CALR3: variants seen among roughly 807,000 people sequenced by gnomAD.
CALR3 encodes the protein calreticulin 3, also known as calreticulin-3.
CALR3 carries 39 observed loss-of-function variants against 48.7 expected under a neutral mutation model. That is an observed-to-expected ratio of 0.80 (90% CI 0.62 to 1.05). The LOEUF (loss-of-function observed/expected upper bound fraction) is 1.05, where lower values mean the gene tolerates loss of function less well. Ranked by LOEUF, CALR3 falls within the 50% of genes least tolerant of loss-of-function variation. CALR3 has a pLI of 0.00. For missense variants in CALR3, 449 were observed against 474.7 expected (o/e 0.95, Z 0.50); for synonymous variants, 185 against 172.7 (o/e 1.07, Z -0.56).
At position 16,495,047 on chromosome 19, in the gene CALR3, CA is replaced by C. The variant is rs747504251; in HGVS notation, c.193+703del. Reference sequence around the variant, plus strand: ...GCCAGGAGTTTGAGTCCAGCCTGGGCAATGTGGTGAAACTCTGTCTCTAAAA... The same window carrying C: ...GCCAGGAGTTTGAGTCCAGCCTGGGCATGTGGTGAAACTCTGTCTCTAAAA... On this transcript the variant is annotated intron_variant, in intron 2 of 8. Transcript: ENST00000269881. Among the ~76,000 whole-genome samples the C allele has an allele frequency of 1.4e-4, 21 of 151,880 alleles. No individual in the cohort carries two copies. In the East Asian group the frequency reaches 1.7e-3, roughly 13 times the overall value.
rs770439289 is a variant in CALR3, at chr19:16,482,512, A to G, written c.856T>C (p.Leu286=). 6.2e-7 allele frequency: 1 copy of G among 1,614,246 alleles called. No homozygotes were observed. Among genetic ancestry groups the G allele is most frequent in the Admixed American group, 1.7e-5 (1 of 60,022 alleles). ...AATTCTGAGAGGTCATACTGCGTCA[A>G]ATAGTCGGTATTCTTCATCTTACGG... is the stretch of plus-strand genomic sequence containing the variant. ...LHRKMKNTDY[L]TQYDLSEFEN... The change falls in exon 7 of 9, where the codon TTG becomes CTG. Residue 286 remains leucine (L), a synonymous_variant. Coordinates refer to ENST00000269881, the MANE Select transcript of CALR3 (RefSeq NM_145046.5).
chr19:16,490,763 A>AT (rs78242115), intron 2 of CALR3, among the ~76,000 whole-genome samples, 193 bp from the exon 3 acceptor site: 9 of 149,742 alleles, frequency 6.0e-5, no homozygotes, highest in East Asian at 1.9e-4. Flanking sequence ...CTTCTATATA[A>AT]TTTTTTTTTT....
In CALR3 at chr19:16,483,979, G is replaced by C; in HGVS notation, c.629C>G (p.Ser210Cys). 6.2e-7 allele frequency: 1 copy of C among 1,613,998 alleles called. No homozygotes were observed. The highest frequency in any genetic ancestry group is 8.5e-7 in the Non-Finnish European group (1 of 1,180,016). ...TTCCCAATCCTTCGATTCTGCCGGG[G>C]ACGTTTCCTTCTTGAGTGATGTTAA... ...WNLTSLKKETSPAESKDWEQT... is the reference protein window; with the variant it reads ...WNLTSLKKETCPAESKDWEQT... Residue 210 changes from serine (S) to cysteine (C), a missense_variant, in exon 5 of 9, where the codon TCC (serine) becomes TGC (cysteine). Physicochemically the swap from Ser to Cys is moderately radical, Grantham distance 112. Transcript: ENST00000269881.
In CALR3 at chr19:16,484,126, T is replaced by C. The variant is rs1469789349; in HGVS notation, c.493-11A>G. ...TGTGAAGCCATCAACCTGCATATTT[T>C]AGGGGGAAAAGCGTAACAATTAAAT... On this transcript the variant is annotated splice_polypyrimidine_tract_variant and intron_variant, in intron 4 of 8. Coordinates refer to ENST00000269881, the MANE Select transcript of CALR3 (RefSeq NM_145046.5). 1.9e-6 allele frequency: 3 copies of C among 1,612,588 alleles called. No individual in the cohort carries two copies. Among genetic ancestry groups the C allele is most frequent in the Non-Finnish European group, 2.5e-6 (3 of 1,179,086 alleles).
chr19:16,487,248 G>A (rs1438403347), intron 3 of CALR3, among the ~76,000 whole-genome samples: 2 of 152,078 alleles, frequency 1.3e-5, no homozygotes, highest in Non-Finnish European at 2.9e-5. Flanking sequence ...GGAGGCCAAA[G>A]TGGGTGGATC....
intron 7 of CALR3, among the ~76,000 whole-genome samples, chr19:16,481,744 C>A (rs1212884652): frequency 6.6e-6 from 1 of 151,822 alleles, no homozygotes; most frequent in Non-Finnish European, 1.5e-5. Flanking sequence ...GGCAATCTGC[C>A]CCCCTCAGCC....
rs985096797 is a variant in CALR3 at position 16,480,663 on chromosome 19, T to C, written c.962A>G (p.Asp321Gly). ...TIFDNFLITD[D>G]EEYADNFGKA... ...GCCAAAATTATCTGCGTACTCTTCATCATCTGTGATCAGAAAGTTATCAAA... is the reference window on the plus strand; with the variant it reads ...GCCAAAATTATCTGCGTACTCTTCACCATCTGTGATCAGAAAGTTATCAAA... Residue 321 changes from aspartate (D) to glycine (G), a missense_variant, in exon 8 of 9, where the codon GAT (aspartate) becomes GGT (glycine). Physicochemically the swap from Asp to Gly is moderately conservative, Grantham distance 94. Coordinates refer to ENST00000269881, the MANE Select transcript of CALR3 (RefSeq NM_145046.5). 1.2e-6 allele frequency: 2 copies of C among 1,613,838 alleles called. No homozygotes were observed. The highest frequency in any genetic ancestry group is 2.7e-5 in the African/African-American group (2 of 74,942).
In CALR3 at chr19:16,482,796, A is replaced by G; in HGVS notation, c.679-11T>C. The G allele has an allele frequency of 6.2e-7, 1 of 1,608,676 alleles. No individual in the cohort carries two copies. Among genetic ancestry groups the G allele is most frequent in the South Asian group, 1.1e-5 (1 of 90,602 alleles). Reference sequence around the variant, plus strand: ...ATGCTTCTCCCAGTCCTTCAAAGACATGTAAGGAAAAAGTAAAATCAGTCA... The same window carrying G: ...ATGCTTCTCCCAGTCCTTCAAAGACGTGTAAGGAAAAAGTAAAATCAGTCA... On this transcript the variant is annotated splice_polypyrimidine_tract_variant and intron_variant, in intron 5 of 8. Transcript: ENST00000269881.
rs140986966 is a variant in CALR3, at chr19:16,495,916, G to A, written c.92-64C>T. 8,595 of 1,579,156 alleles carry A rather than the reference G, an allele frequency of 5.4e-3. 42 individuals are homozygous for A. Among genetic ancestry groups the A allele is most frequent in the Middle Eastern group, 8.0e-3 (48 of 5,980 alleles). On this transcript the variant is annotated intron_variant, in intron 1 of 8. Transcript: ENST00000269881. ...ATGGTTAATTTGGGCTAAGGGAAGG[G>A]TGAAGGGGACCCTCGAGGATTCGAG... is the stretch of plus-strand genomic sequence containing the variant.
chr19:16,479,680 A>C (rs2093377533), intron 8 of CALR3, among the ~76,000 whole-genome samples: 1 of 151,458 alleles, frequency 6.6e-6, no homozygotes, highest in Admixed American at 6.6e-5. Flanking sequence ...GATCATTTGA[A>C]CCTAGGAGGC....
rs550089146 is a variant in CALR3, at chr19:16,483,967, G to A, written c.641C>T (p.Ser214Leu). ...SLKKETSPAE[S>L]KDWEQTKDNK... is the part of the protein sequence containing the mutation. Reference sequence around the variant, plus strand: ...GTCTTTAGTCTGTTCCCAATCCTTCGATTCTGCCGGGGACGTTTCCTTCTT... The same window carrying A: ...GTCTTTAGTCTGTTCCCAATCCTTCAATTCTGCCGGGGACGTTTCCTTCTT... The change falls in exon 5 of 9, where the codon TCG becomes TTG. Residue 214 changes from serine (S) to leucine (L), a missense_variant. Coordinates refer to ENST00000269881, the MANE Select transcript of CALR3 (RefSeq NM_145046.5). 9.9e-6 allele frequency: 16 copies of A among 1,613,940 alleles called. No individual in the cohort carries two copies. The Admixed American group carries it at 1.0e-4, about 10-fold the overall frequency.
At chr19:16,488,446 C>T (rs1400818625) in intron 3 of CALR3, among the ~76,000 whole-genome samples, 4 of 152,062 alleles carry the variant, frequency 2.6e-5, no homozygotes, top group African/African-American at 9.7e-5. Flanking sequence ...GTTCTGTTAC[C>T]CAGGCTGGAG....
Position 16,483,679 on chromosome 19 carries a change from C to A in CALR3, c.678+251G>T, listed in dbSNP as rs189435926. ...GTTGCCGTGAGCTGAGATCACGCCACTGCACTCCAGCCTGGGCAAGAAGAA... is the reference window on the plus strand; with the variant it reads ...GTTGCCGTGAGCTGAGATCACGCCAATGCACTCCAGCCTGGGCAAGAAGAA... On this transcript the variant is annotated intron_variant, in intron 5 of 8. Transcript: ENST00000269881. 1,821 of 445,932 alleles carry A rather than the reference C, an allele frequency of 4.1e-3. 4 individuals carry two copies. The highest frequency in any genetic ancestry group is 6.3e-3 in the Non-Finnish European group (1,539 of 244,168). The allele number at this position is 445,932 out of a possible 1,614,324, so 27.6% of individuals were successfully genotyped here.
At chr19:16,491,055 TG>T in intron 2 of CALR3, among the ~76,000 whole-genome samples, 1 of 149,492 alleles carries the variant, frequency 6.7e-6, no homozygotes, top group Non-Finnish European at 1.5e-5. Context: ...CCAGCGTGCC[TG>T]GCCCATACAA....
chr19:16,493,169 C>G (rs2093400625), intron 2 of CALR3, among the ~76,000 whole-genome samples: 1 of 152,174 alleles, frequency 6.6e-6, no homozygotes, highest in Non-Finnish European at 1.5e-5. Flanking sequence ...ATGACTAGGA[C>G]AAACCAGAGA....
At position 16,490,354 on chromosome 19, in the gene CALR3, C is replaced by T. The variant is rs947511993; in HGVS notation, c.397+13G>A. On this transcript the variant is annotated intron_variant, in intron 3 of 8. Transcript: ENST00000269881. Reference sequence around the variant, plus strand: ...GTCACTAGAAGTGGTTGTGTTGCACCACGTAAACTCACCAAACATAATATA... The same window carrying T: ...GTCACTAGAAGTGGTTGTGTTGCACTACGTAAACTCACCAAACATAATATA... 45 of 1,613,304 alleles carry T rather than the reference C, an allele frequency of 2.8e-5. No individual in the cohort carries two copies. Among genetic ancestry groups the T allele is most frequent in the Non-Finnish European group, 3.8e-5 (45 of 1,179,318 alleles).
intron 7 of CALR3, 122 bp from the exon 8 acceptor site, chr19:16,480,828 T>C: frequency 1.3e-6 from 1 of 798,072 alleles, no homozygotes; most frequent in Non-Finnish European, 2.1e-6. Flanking sequence ...TTTTTAGAGA[T>C]GGGGTCTTGC....
At chr19:16,487,360 A>AC (rs1265590874) in intron 3 of CALR3, among the ~76,000 whole-genome samples, 1 of 150,520 alleles carries the variant, frequency 6.6e-6, no homozygotes. Context: ...GGCACCTGTA[A>AC]CCCCAGCTAC....
intron 4 of CALR3, among the ~76,000 whole-genome samples, chr19:16,484,903 C>A (rs1294671883): frequency 6.6e-6 from 1 of 152,060 alleles, no homozygotes; most frequent in Non-Finnish European, 1.5e-5. Flanking sequence ...ACTATTGTAA[C>A]CCTCATAGGG....
Sources: gnomAD v4.1 joint callset for allele counts (sites outside exome capture counted in the v4.1 genomes callset) on GRCh38, gnomAD v4.1.1 for gene constraint, MANE v1.5 for transcripts, NCBI Gene and HGNC (gene_info 2026-07-23, HGNC 2026-07-21) for gene names.